The following MYCBP2 variants were observed in gnomAD, a reference collection of about 807,000 sequenced individuals.
MYCBP2 encodes the protein E3 ubiquitin-protein ligase MYCBP2.
In MYCBP2, 120 loss-of-function variants were observed where a neutral mutation model predicts 525.3. The observed-to-expected ratio is 0.23, with a 90% CI of 0.20 to 0.27. MYCBP2 has a LOEUF of 0.27. Among genes scored for constraint, MYCBP2 ranks in the 10% least tolerant of loss-of-function variants. The pLI, the probability that MYCBP2 is intolerant of heterozygous loss-of-function variation, is 1.00. For missense variants in MYCBP2, 4,149 were observed against 5,657.1 expected (o/e 0.73, Z 8.55); for synonymous variants, 1,894 against 1,955.8 (o/e 0.97, Z 0.83).
At chr13:77,202,549 C>T (rs1204140008) in intron 26 of MYCBP2, among the ~76,000 whole-genome samples, 4 of 151,864 alleles carry the variant, frequency 2.6e-5, no homozygotes, top group Non-Finnish European at 5.9e-5. Flanking sequence ...TTTTATGAGG[C>T]CAGCATCATC....
intron 18 of MYCBP2, 22 bp downstream of exon 18, chr13:77,233,121 AGTATCCCACCTAG>A: frequency 6.4e-6 from 10 of 1,561,744 alleles, no homozygotes; most frequent in Non-Finnish European, 8.8e-6. Flanking sequence ...AAATTGGGAA[AGTATCCCACCTAG>A]GTGATAAGGA....
chr13:77,132,200 A>G (rs1476184598), intron 52 of MYCBP2, among the ~76,000 whole-genome samples: 1 of 152,180 alleles, frequency 6.6e-6, no homozygotes, highest in Non-Finnish European at 1.5e-5. Flanking sequence ...TTGAGATTAA[A>G]ACACGGGTTA....
chr13:77,239,559 C>A (rs76537252), intron 17 of MYCBP2, among the ~76,000 whole-genome samples: 1 of 152,186 alleles, frequency 6.6e-6, no homozygotes, highest in African/African-American at 2.4e-5. Flanking sequence ...TTGGATCAAA[C>A]CGCAAAGTGC....
In MYCBP2 at chr13:77,190,335, C is replaced by A. The variant is rs1374614882; in HGVS notation, c.4071G>T (p.Gly1357=). Residue 1357 remains glycine (G), a splice_region_variant and synonymous_variant, in exon 29 of 83, where the codon GGG becomes GGT. Transcript: ENST00000544440. The part of the protein sequence containing the change: ...HGQASITTDD[G]VVFQFKSSKK... ...TTGAACTCTTGAACTGGAAAACAAC[C>A]CTAAGAAGAGAAAACAATGATACCA... 3 of 1,588,606 alleles carry A rather than the reference C, an allele frequency of 1.9e-6. No individual in the cohort carries two copies. The highest frequency in any genetic ancestry group is 2.6e-6 in the Non-Finnish European group (3 of 1,160,910).
intron 39 of MYCBP2, 115 bp from the exon 40 acceptor site, chr13:77,168,761 T>A: frequency 2.2e-6 from 2 of 901,388 alleles, no homozygotes; most frequent in Non-Finnish European, 3.3e-6. Context: ...AATTTTCCAC[T>A]AGTTAAGTTT....
At chr13:77,143,295 C>T (rs906253058) in intron 49 of MYCBP2, among the ~76,000 whole-genome samples, 1 of 152,146 alleles carries the variant, frequency 6.6e-6, no homozygotes, top group Non-Finnish European at 1.5e-5. Context: ...TGGAGAAGAT[C>T]TGCTTTCAAT....
chr13:77,057,834 CTTTTTTTT>C (rs11419165), intron 78 of MYCBP2, among the ~76,000 whole-genome samples: 7 of 121,092 alleles, frequency 5.8e-5, no homozygotes, highest in Admixed American at 1.7e-4. Context: ...CAATCAACTG[CTTTTTTTT>C]TTTTTTTTTT....
At chr13:77,258,357 G>A (rs1030689894) in intron 13 of MYCBP2, among the ~76,000 whole-genome samples, 1 of 152,036 alleles carries the variant, frequency 6.6e-6, no homozygotes, top group Non-Finnish European at 1.5e-5. Flanking sequence ...ACTTATTCAT[G>A]TATTACTTTC....
At chr13:77,207,554 C>A (rs1468369940) in intron 23 of MYCBP2, among the ~76,000 whole-genome samples, 1 of 152,074 alleles carries the variant, frequency 6.6e-6, no homozygotes, top group Non-Finnish European at 1.5e-5. Context: ...ACACTAAACA[C>A]CACTGACTGC....
intron 1 of MYCBP2, among the ~76,000 whole-genome samples, chr13:77,307,433 C>T (rs530334406): frequency 1.3e-5 from 2 of 151,282 alleles, no homozygotes; most frequent in African/African-American, 2.4e-5. Context: ...TGGTCCTGGC[C>T]TGGGCAACAT....
rs568649832 is a variant in MYCBP2, at chr13:77,272,712, G to T, written c.945+760C>A. Among the ~76,000 whole-genome samples the T allele has an allele frequency of 4.6e-5, 7 of 152,256 alleles. No individual in the cohort carries two copies. In the East Asian group the frequency reaches 1.3e-3, roughly 29 times the overall value. ...AATCTTGAGTAAGGGAATGGGTCTT[G>T]TTTGACCAGGAGAGTTCAAAATCAC... On this transcript the variant is annotated intron_variant, in intron 5 of 82. Coordinates refer to ENST00000544440, the MANE Select transcript of MYCBP2 (RefSeq NM_015057.5).
chr13:77,213,241 G>A (rs1388492239), intron 21 of MYCBP2, among the ~76,000 whole-genome samples: 2 of 152,206 alleles, frequency 1.3e-5, no homozygotes, highest in South Asian at 2.1e-4. Flanking sequence ...TTGGGAGGCC[G>A]AGATGGGAGG....
At chr13:77,083,898 G>A (rs2043762818) in intron 62 of MYCBP2, among the ~76,000 whole-genome samples, 2 of 152,028 alleles carry the variant, frequency 1.3e-5, no homozygotes, top group South Asian at 4.1e-4. Flanking sequence ...CAGTTTCTTG[G>A]ACTGTCTATA....
intron 31 of MYCBP2, 46 bp from the exon 32 acceptor site, chr13:77,185,423 T>C: frequency 1.3e-6 from 2 of 1,554,484 alleles, no homozygotes; most frequent in African/African-American, 1.4e-5. Context: ...AAATATTAAA[T>C]ATGCATGAAA....
intron 54 of MYCBP2, among the ~76,000 whole-genome samples, chr13:77,123,619 T>C (rs75888704): frequency 0.03 from 4,539 of 152,298 alleles, 97 homozygotes; most frequent in East Asian, 0.052. Flanking sequence ...GGCACAGAGA[T>C]ATTAGGTTAA....
intron 41 of MYCBP2, among the ~76,000 whole-genome samples, chr13:77,165,771 CCAAA>C (rs1472565936): frequency 1.3e-5 from 2 of 151,890 alleles, no homozygotes. Context: ...TGATCTTTTC[CCAAA>C]CAAACAAACA....
chr13:77,159,783 T>G lies in MYCBP2; in HGVS notation c.6598-1674A>C, dbSNP rs571532465. ...TGTGAGTCAATTAAACCTCTTTTCT[T>G]TATAAATTACCCAGCCTCAGGTAGT... is the stretch of plus-strand genomic sequence containing the variant. On this transcript the variant is annotated intron_variant, in intron 44 of 82. Coordinates refer to ENST00000544440, the MANE Select transcript of MYCBP2 (RefSeq NM_015057.5). Among the ~76,000 whole-genome samples, 20 of 152,328 alleles carry G rather than the reference T, an allele frequency of 1.3e-4. 1 individual carries two copies. The South Asian group carries it at 3.1e-3, about 24-fold the overall frequency.
chr13:77,140,840 C>A lies in MYCBP2; in HGVS notation c.7401+6G>T. On this transcript the variant is annotated splice_donor_region_variant and intron_variant, in intron 50 of 82. Transcript: ENST00000544440. The stretch of plus-strand genomic sequence containing the variant: ...GATTCCGGCTCTCAATTCATTCTGC[C>A]CTAACCTTATTAGGCTGAGGTTCAG... 1 of 1,602,668 alleles carries A rather than the reference C, an allele frequency of 6.2e-7. No homozygotes were observed. Among genetic ancestry groups the A allele is most frequent in the Non-Finnish European group, 8.5e-7 (1 of 1,173,848 alleles).
intron 1 of MYCBP2, among the ~76,000 whole-genome samples, chr13:77,299,127 T>C (rs938260711): frequency 6.6e-6 from 1 of 152,144 alleles, no homozygotes; most frequent in Non-Finnish European, 1.5e-5. Flanking sequence ...TATAAAAGCA[T>C]CAAAATTTAT....
Sources: gnomAD v4.1 joint callset for allele counts (sites outside exome capture counted in the v4.1 genomes callset) on GRCh38, gnomAD v4.1.1 for gene constraint, MANE v1.5 for transcripts, NCBI Gene and HGNC (gene_info 2026-07-23, HGNC 2026-07-21) for gene names.